Variants in SLC2A11 observed in about 807,000 individuals in gnomAD.
The protein encoded by SLC2A11 is solute carrier family 2 member 11.
In SLC2A11, 43 loss-of-function variants were observed where a neutral mutation model predicts 52.1. That is an observed-to-expected ratio of 0.82 (90% CI 0.65 to 1.06). The LOEUF is 1.06. Ranked by LOEUF, SLC2A11 falls within the 50% of genes least tolerant of loss-of-function variation. SLC2A11 has a pLI of 0.00. For synonymous variants in SLC2A11, 261 were observed against 277.6 expected (o/e 0.94, Z 0.59); for missense variants, 582 against 654.2 (o/e 0.89, Z 1.20).
At chr22:23,876,708 C>G (rs2032622499) in intron 4 of SLC2A11, among the ~76,000 whole-genome samples, 1 of 152,138 alleles carries the variant, frequency 6.6e-6, no homozygotes, top group African/African-American at 2.4e-5. Context: ...TCCCACCCCC[C>G]CGCACAGCCC....
chr22:23,857,608 A>G (rs2031891618), upstream of SLC2A11: 34 of 884,864 alleles, frequency 3.8e-5, no homozygotes, highest in Non-Finnish European at 5.0e-5. Context: ...CTCCCCCCCA[A>G]CACGCTGGGG....
At chr22:23,872,347 AAT>A (rs10570243) in intron 3 of SLC2A11, 128,332 of 150,376 alleles carry the variant, frequency 0.85, 54,848 homozygotes, top group Middle Eastern at 0.89. Flanking sequence ...CCTATCTCTG[AAT>A]ATATATATAT....
At position 23,884,290 on chromosome 22, in the gene SLC2A11, C is replaced by T. The variant is rs1233436157; in HGVS notation, c.1172-12C>T. On this transcript the variant is annotated splice_polypyrimidine_tract_variant and intron_variant, in intron 10 of 11. Transcript: ENST00000316185. The surrounding 1 kb of genome is among the most constrained non-coding windows in gnomAD (Gnocchi z 4.3). ...CTGGCCAGCAGCCCCCTGTCCCTGC[C>T]CCTCCTTCTAGCCGGAGTGACGGGG... is the stretch of plus-strand genomic sequence containing the variant. 3.7e-6 allele frequency: 6 copies of T among 1,610,586 alleles called. No homozygotes were observed. The Middle Eastern group carries it at 6.6e-4, about 178-fold the overall frequency.
chr22:23,870,417 T>C (rs988923429), intron 3 of SLC2A11: 10 of 214,780 alleles, frequency 4.7e-5, no homozygotes, highest in Non-Finnish European at 9.2e-5. Context: ...GTTGGTTGTG[T>C]AGGGGAACAC....
chr22:23,870,106 A>C (rs2032401856), intron 3 of SLC2A11: 1 of 713,212 alleles, frequency 1.4e-6, no homozygotes, highest in South Asian at 1.5e-5. Context: ...TGGATCAGCA[A>C]GACTGGATTA....
chr22:23,868,478 C>T lies in SLC2A11; in HGVS notation c.130-3C>T, dbSNP rs746087700. 11 of 1,614,126 alleles carry T rather than the reference C, an allele frequency of 6.8e-6. No homozygotes were observed. The highest frequency in any genetic ancestry group is 8.5e-6 in the Non-Finnish European group (10 of 1,179,960). On this transcript the variant is annotated splice_polypyrimidine_tract_variant and splice_region_variant and intron_variant, in intron 2 of 11. Transcript: ENST00000316185. Reference sequence around the variant, plus strand: ...GAAGGCTGACTGGCATTTCTGTCCACAGCACATTCAGGAATTCACCAATGA... The same window carrying T: ...GAAGGCTGACTGGCATTTCTGTCCATAGCACATTCAGGAATTCACCAATGA...
chr22:23,885,262 G>T lies in SLC2A11; in HGVS notation c.*413G>T. 1 of 277,024 alleles carries T rather than the reference G, an allele frequency of 3.6e-6. No homozygotes were observed. 17.2% of individuals were successfully genotyped at this position (277,024 alleles called of 1,614,324 possible). A position where few individuals can be genotyped will look rare whatever the true frequency, so the allele number is the denominator to read the frequency against. ...TCTAGCTACTCAGGAGGCTGAGGCAGCAGGATCACTTGAGTCCAAGAGTTC... is the reference window on the plus strand; with the variant it reads ...TCTAGCTACTCAGGAGGCTGAGGCATCAGGATCACTTGAGTCCAAGAGTTC... On this transcript the variant is annotated 3_prime_UTR_variant, in exon 12 of 12. Coordinates refer to ENST00000316185, the MANE Select transcript of SLC2A11 (RefSeq NM_001024939.4).
intron 4 of SLC2A11, among the ~76,000 whole-genome samples, chr22:23,876,705 C>G (rs1379778982): frequency 6.6e-6 from 1 of 152,128 alleles, no homozygotes; most frequent in Non-Finnish European, 1.5e-5. Flanking sequence ...TCCTCCCACC[C>G]CCCCGCACAG....
intron 3 of SLC2A11, among the ~76,000 whole-genome samples, chr22:23,874,695 A>G (rs1485544512): frequency 6.6e-6 from 1 of 151,386 alleles, no homozygotes; most frequent in Non-Finnish European, 1.5e-5. Context: ...TAGGTGATCC[A>G]CCCACCTCAG....
intron 3 of SLC2A11, among the ~76,000 whole-genome samples, chr22:23,873,467 G>A (rs1355658347): frequency 6.6e-6 from 1 of 151,996 alleles, no homozygotes; most frequent in Non-Finnish European, 1.5e-5. Flanking sequence ...CTGCCACCAT[G>A]CCTGGCTAAT....
At chr22:23,857,579 C>A (rs112697139), upstream of SLC2A11, 9 of 1,461,366 alleles carry the variant, frequency 6.2e-6, no homozygotes, top group African/African-American at 1.2e-4. Context: ...GACCCCAAAC[C>A]CCCCCCCCGC....
intron 2 of SLC2A11, among the ~76,000 whole-genome samples, chr22:23,863,608 GTTTTTT>G (rs71184923): frequency 9.2e-5 from 8 of 86,804 alleles, no homozygotes; most frequent in African/African-American, 3.6e-4. Flanking sequence ...TCTCTCTCTG[GTTTTTT>G]TTTTTTTTTT....
chr22:23,878,559 A>G (rs1035147332), intron 6 of SLC2A11, among the ~76,000 whole-genome samples: 2 of 152,212 alleles, frequency 1.3e-5, no homozygotes, highest in Non-Finnish European at 2.9e-5. Flanking sequence ...CCCTCGTGCC[A>G]TTAACATTCC....
chr22:23,883,805 C>T lies in SLC2A11; in HGVS notation c.1027C>T (p.Leu343=). Residue 343 remains leucine (L), a synonymous_variant, in exon 9 of 12, where the codon CTG becomes TTG. Coordinates refer to ENST00000316185, the MANE Select transcript of SLC2A11 (RefSeq NM_001024939.4). ...AATCGAGAGGGTGGGTCGGCGCGTGCTGCTCATCGGTGGGTACAGCCTGAT... is the reference window on the plus strand; with the variant it reads ...AATCGAGAGGGTGGGTCGGCGCGTGTTGCTCATCGGTGGGTACAGCCTGAT... ...VVIERVGRRV[L]LIGGYSLMTC... 1 of 1,559,864 alleles carries T rather than the reference C, an allele frequency of 6.4e-7. No homozygotes were observed. Among genetic ancestry groups the T allele is most frequent in the Non-Finnish European group, 8.6e-7 (1 of 1,156,986 alleles).
intron 1 of SLC2A11, 91 bp from the exon 2 acceptor site, chr22:23,862,013 A>G: frequency 9.4e-7 from 1 of 1,058,814 alleles, no homozygotes; most frequent in Non-Finnish European, 1.5e-6. Context: ...GCCTGATTCA[A>G]ATAAATTGCA....
intron 3 of SLC2A11, chr22:23,870,245 G>A: frequency 1.8e-6 from 1 of 543,104 alleles, no homozygotes; most frequent in Non-Finnish European, 3.2e-6. Flanking sequence ...GGTACAGTTG[G>A]CATAAGCATG....
At chr22:23,881,915 CAG>C (rs369173826) in intron 6 of SLC2A11, 1 of 123,758 alleles carries the variant, frequency 8.1e-6, no homozygotes, top group Non-Finnish European at 1.6e-5. Flanking sequence ...GACACAGAGA[CAG>C]AGAGATTGAG....
At chr22:23,857,354 C>G (rs2031870884), upstream of SLC2A11, 5 of 1,452,282 alleles carry the variant, frequency 3.4e-6, no homozygotes, top group Non-Finnish European at 4.7e-6. Flanking sequence ...CTTGCTGGCA[C>G]TTGCGAGGGC....
intron 6 of SLC2A11, chr22:23,881,084 T>A (rs530570947): frequency 1.3e-5 from 2 of 151,886 alleles, no homozygotes; most frequent in Non-Finnish European, 2.9e-5. Flanking sequence ...AATTTATTGA[T>A]CAGCTTTCTA....
Sources: gnomAD v4.1 joint callset for allele counts (sites outside exome capture counted in the v4.1 genomes callset) on GRCh38, gnomAD v4.1.1 for gene constraint, Gnocchi (gnomAD v3.1) non-coding constraint, MANE v1.5 for transcripts, NCBI Gene and HGNC (gene_info 2026-07-23, HGNC 2026-07-21) for gene names.